FER: variants seen among roughly 807,000 people sequenced by gnomAD.
The protein encoded by FER is tyrosine-protein kinase Fer.
In FER, 63 loss-of-function variants were observed where a neutral mutation model predicts 111.0. That is an observed-to-expected ratio of 0.57 (90% CI 0.46 to 0.70). The LOEUF is 0.70. Ranked by LOEUF, FER falls within the 30% of genes least tolerant of loss-of-function variation. The probability of loss-of-function intolerance (pLI) is 0.00; values close to 1 mark genes in which losing one functional copy is unlikely to be tolerated. For missense variants in FER, 914 were observed against 954.0 expected, an observed-to-expected ratio of 0.96 and a Z score of 0.55; for synonymous variants, 327 against 313.9, an observed-to-expected ratio of 1.04 and a Z score of -0.44.
intron 13 of FER, among the ~76,000 whole-genome samples, chr5:109,031,686 G>A (rs1769641403): frequency 6.6e-6 from 1 of 152,126 alleles, no homozygotes; most frequent in Non-Finnish European, 1.5e-5. Context: ...CTATCTAGAA[G>A]ATTTCTACTT....
chr5:109,148,827 G>A (rs925647343), intron 17 of FER, among the ~76,000 whole-genome samples: 1 of 152,122 alleles, frequency 6.6e-6, no homozygotes, highest in African/African-American at 2.4e-5. Context: ...TTGATGCTTG[G>A]CATTGTAAGT....
chr5:108,788,099 G>T (rs926324570), intron 2 of FER, among the ~76,000 whole-genome samples: 1 of 152,202 alleles, frequency 6.6e-6, no homozygotes. Context: ...CCAGGACTGT[G>T]ACATGCTGTA....
intron 5 of FER, among the ~76,000 whole-genome samples, chr5:108,855,482 G>A (rs1013931399): frequency 3.3e-5 from 5 of 151,644 alleles, no homozygotes; most frequent in Non-Finnish European, 7.4e-5. Flanking sequence ...TTAGCCGGGC[G>A]CGGTGGTGGG....
intron 2 of FER, among the ~76,000 whole-genome samples, chr5:108,780,044 ATC>A (rs1311176081): frequency 1.3e-5 from 2 of 152,348 alleles, no homozygotes; most frequent in African/African-American, 4.8e-5. Context: ...TATGTGTTAG[ATC>A]GACTGAGAGT....
intron 3 of FER, among the ~76,000 whole-genome samples, chr5:108,801,714 T>A (rs535976756): frequency 6.6e-6 from 1 of 152,338 alleles, no homozygotes; most frequent in East Asian, 1.9e-4. Flanking sequence ...CTGTAGCTCT[T>A]AGCAAACTCA....
Position 109,187,649 on chromosome 5 carries a change from A to G in FER, c.*74A>G, listed in dbSNP as rs557943143. The G allele has an allele frequency of 5.8e-5, 89 of 1,526,938 alleles. No homozygotes were observed. Among genetic ancestry groups the G allele is most frequent in the Middle Eastern group, 1.8e-4 (1 of 5,642 alleles). 94.6% of individuals were successfully genotyped at this position (1,526,938 alleles called of 1,614,324 possible). A position where few individuals can be genotyped will look rare whatever the true frequency, so the allele number is the denominator to read the frequency against. ...AGTAACATTATTGTTCTCATTAACA[A>G]TGAATTTATACCACATTACCTTCGA... On this transcript the variant is annotated 3_prime_UTR_variant, in exon 20 of 20. Transcript: ENST00000281092.
At chr5:108,938,026 T>TCACACACA (rs201092702) in intron 10 of FER, among the ~76,000 whole-genome samples, 6 of 130,824 alleles carry the variant, frequency 4.6e-5, no homozygotes, top group South Asian at 2.6e-4. Context: ...TATCTCTCTC[T>TCACACACA]CACACACACA....
At chr5:109,009,114 C>G (rs149770621) in intron 13 of FER, among the ~76,000 whole-genome samples, 1,506 of 128,992 alleles carry the variant, frequency 0.012, 22 homozygotes, top group African/African-American at 0.042. Context: ...CTGGCGTGAT[C>G]TCGGCTCCCT....
intron 10 of FER, among the ~76,000 whole-genome samples, chr5:108,932,835 C>T (rs76601223): frequency 1.3e-5 from 2 of 148,316 alleles, no homozygotes; most frequent in African/African-American, 4.9e-5. Flanking sequence ...TTGAGAAGTG[C>T]CTGTTCATAT....
chr5:109,076,067 C>T (rs966754013), intron 16 of FER, among the ~76,000 whole-genome samples: 5 of 151,730 alleles, frequency 3.3e-5, no homozygotes, highest in African/African-American at 7.3e-5. Context: ...TATATTTTTC[C>T]GATTGGAGCT....
intron 2 of FER, among the ~76,000 whole-genome samples, chr5:108,787,952 C>G (rs528377455): frequency 4.6e-5 from 7 of 152,288 alleles, no homozygotes; most frequent in South Asian, 2.1e-4. Flanking sequence ...TGCTTGGGAC[C>G]TACTGAATGG....
chr5:109,097,497 A>G (rs1038859583), intron 16 of FER, among the ~76,000 whole-genome samples: 3 of 151,916 alleles, frequency 2.0e-5, no homozygotes, highest in African/African-American at 7.2e-5. Context: ...ATGCATATAT[A>G]CCTGTGTGCT....
chr5:108,876,567 C>T (rs1221272581), intron 8 of FER, among the ~76,000 whole-genome samples: 1 of 152,108 alleles, frequency 6.6e-6, no homozygotes, highest in Non-Finnish European at 1.5e-5. Flanking sequence ...AAATGTGGCA[C>T]TTTTAAGGCA....
At chr5:109,158,985 T>C (rs1755706003) in intron 17 of FER, among the ~76,000 whole-genome samples, 1 of 152,168 alleles carries the variant, frequency 6.6e-6, no homozygotes, top group Admixed American at 6.6e-5. Context: ...TATGGGATTA[T>C]TATGAAAAGA....
intron 3 of FER, among the ~76,000 whole-genome samples, chr5:108,814,189 A>T (rs887516207): frequency 8.5e-5 from 13 of 152,122 alleles, no homozygotes; most frequent in Admixed American, 3.9e-4. Flanking sequence ...GTGACTTTTT[A>T]TCTAGAATAC....
intron 16 of FER, among the ~76,000 whole-genome samples, chr5:109,097,466 C>T (rs1164119089): frequency 1.3e-5 from 2 of 151,848 alleles, no homozygotes; most frequent in Non-Finnish European, 2.9e-5. Flanking sequence ...AGGTAGGATA[C>T]TGTATGCTAT....
rs866636373 is a variant in FER, at chr5:108,835,644, T to C, written c.382-64T>C. 1.2e-5 allele frequency: 13 copies of C among 1,088,258 alleles called. 1 individual carries two copies. In the Middle Eastern group the frequency reaches 2.1e-3, roughly 173 times the overall value. The allele number at this position is 1,088,258 out of a possible 1,614,324, so 67.4% of individuals were successfully genotyped here. ...ACACATCAGTTAATACTTTGGAATTTAAGTTCTTGAGCAATTTAAATTTAA... is the reference window on the plus strand; with the variant it reads ...ACACATCAGTTAATACTTTGGAATTCAAGTTCTTGAGCAATTTAAATTTAA... On this transcript the variant is annotated intron_variant, in intron 4 of 19. Coordinates refer to ENST00000281092, the MANE Select transcript of FER (RefSeq NM_005246.4).
chr5:108,818,998 T>C (rs932327668), intron 3 of FER, among the ~76,000 whole-genome samples: 1 of 152,048 alleles, frequency 6.6e-6, no homozygotes, highest in East Asian at 1.9e-4. Flanking sequence ...ATATTCTCCT[T>C]AGTTTAACCT....
At chr5:109,016,222 G>T (rs908540392) in intron 13 of FER, among the ~76,000 whole-genome samples, 2 of 151,990 alleles carry the variant, frequency 1.3e-5, no homozygotes, top group African/African-American at 4.8e-5. Context: ...ATCCTGTGTA[G>T]GGAAGCATAC....
Sources: allele counts gnomAD v4.1 joint callset (sites outside exome capture counted in the v4.1 genomes callset), GRCh38; gene constraint gnomAD v4.1.1; transcripts MANE v1.5; gene names NCBI Gene and HGNC (gene_info 2026-07-23, HGNC 2026-07-21).